Variants in SORCS2 observed in about 807,000 individuals in gnomAD.
SORCS2 encodes the protein sortilin related VPS10 domain containing receptor 2, also known as VPS10 domain-containing receptor SorCS2.
A neutral mutation model predicts 141.6 loss-of-function variants in SORCS2; 100 were observed. The ratio of observed to expected loss-of-function variants is 0.71; its 90% CI spans 0.60 to 0.83. The LOEUF (loss-of-function observed/expected upper bound fraction) is 0.83. Among genes scored for constraint, SORCS2 ranks in the 40% least tolerant of loss-of-function variants. The pLI is 0.00. For synonymous variants in SORCS2, 789 were observed against 676.9 expected (o/e 1.17, Z -2.57); for missense variants, 1,646 against 1,560.2 (o/e 1.05, Z -0.93).
intron 18 of SORCS2, among the ~76,000 whole-genome samples, chr4:7,720,364 G>C (rs1319470983): frequency 1.3e-5 from 2 of 152,074 alleles, no homozygotes; most frequent in Non-Finnish European, 2.9e-5. Flanking sequence ...ATAGAAAAAT[G>C]AGCTCAAAAT....
chr4:7,244,285 C>G (rs1041301969), intron 1 of SORCS2, among the ~76,000 whole-genome samples: 4 of 152,206 alleles, frequency 2.6e-5, no homozygotes, highest in African/African-American at 9.6e-5. Flanking sequence ...TGAGTTTCTC[C>G]AGCTCATGCA....
At chr4:7,692,854 A>T (rs935323571) in intron 11 of SORCS2, among the ~76,000 whole-genome samples, 2 of 152,102 alleles carry the variant, frequency 1.3e-5, no homozygotes, top group African/African-American at 4.8e-5. Context: ...TGGGGTCTCG[A>T]GCTCGAGGAG....
chr4:7,534,006 C>T (rs942417613), intron 3 of SORCS2, among the ~76,000 whole-genome samples: 10 of 152,286 alleles, frequency 6.6e-5, no homozygotes, highest in African/African-American at 2.4e-4. Flanking sequence ...TGAAAGCAGA[C>T]AAGCCCTGAG....
intron 1 of SORCS2, among the ~76,000 whole-genome samples, chr4:7,238,994 C>T (rs1712493071): frequency 6.6e-6 from 1 of 152,260 alleles, no homozygotes; most frequent in Non-Finnish European, 1.5e-5. Context: ...ACTGGGAGCA[C>T]TAGGCATGGC....
intron 1 of SORCS2, among the ~76,000 whole-genome samples, chr4:7,288,684 GTCCCTAC>G (rs2108872976): frequency 6.6e-6 from 1 of 151,218 alleles, no homozygotes; most frequent in East Asian, 1.9e-4. Flanking sequence ...ATTGGATTAG[GTCCCTAC>G]TCCTGTGACC....
chr4:7,699,651 C>A (rs902623298), intron 12 of SORCS2, among the ~76,000 whole-genome samples: 1 of 152,196 alleles, frequency 6.6e-6, no homozygotes, highest in Non-Finnish European at 1.5e-5. Context: ...GCTGCAGCCA[C>A]GCCCTCAAAG....
chr4:7,338,961 C>G (rs940303595), intron 1 of SORCS2, among the ~76,000 whole-genome samples: 5 of 152,148 alleles, frequency 3.3e-5, no homozygotes, highest in African/African-American at 1.2e-4. Context: ...ACAGTAAACC[C>G]CAGGATACCC....
At chr4:7,602,264 C>G (rs1455074298) in intron 3 of SORCS2, among the ~76,000 whole-genome samples, 1 of 151,754 alleles carries the variant, frequency 6.6e-6, no homozygotes, top group Non-Finnish European at 1.5e-5. Context: ...GCGCCCCCCA[C>G]CTCCCTCCCG....
intron 3 of SORCS2, among the ~76,000 whole-genome samples, chr4:7,629,498 C>G (rs1221033342): frequency 5.3e-5 from 8 of 151,988 alleles, no homozygotes; most frequent in South Asian, 2.1e-4. Flanking sequence ...GAAGGCCAAG[C>G]TCTCTCCTCC....
At position 7,433,356 on chromosome 4, in the gene SORCS2, A is replaced by G. The variant is rs1012934672; in HGVS notation, c.548+37001A>G. 10 of 1,439,134 alleles carry G rather than the reference A, an allele frequency of 6.9e-6. No individual in the cohort carries two copies. The African/African-American group carries it at 8.6e-5, about 12-fold the overall frequency. The allele number at this position is 1,439,134 out of a possible 1,614,324, so 89.1% of individuals were successfully genotyped here. On this transcript the variant is annotated intron_variant, in intron 2 of 26. Coordinates refer to ENST00000507866, the MANE Select transcript of SORCS2 (RefSeq NM_020777.3). ...CGTGGAGGTGCATCTCTTTCCATAC[A>G]TGCTTCTGGCAGTGTTGCACAGCGT...
intron 2 of SORCS2, among the ~76,000 whole-genome samples, chr4:7,462,547 C>T (rs1729374509): frequency 6.6e-6 from 1 of 152,030 alleles, no homozygotes; most frequent in South Asian, 2.1e-4. Flanking sequence ...GGATTCCTCC[C>T]CTCCTGGTGC....
At chr4:7,309,558 C>G (rs1718051160) in intron 1 of SORCS2, among the ~76,000 whole-genome samples, 1 of 152,176 alleles carries the variant, frequency 6.6e-6, no homozygotes. Context: ...GAGAACCTGC[C>G]CTCCACACAG....
At chr4:7,614,124 C>T (rs966183753) in intron 3 of SORCS2, among the ~76,000 whole-genome samples, 1 of 151,334 alleles carries the variant, frequency 6.6e-6, no homozygotes, top group Non-Finnish European at 1.5e-5. Context: ...CTCTTACCCA[C>T]TGTCCATCCA....
chr4:7,729,706 T>A lies in SORCS2; in HGVS notation c.3102T>A (p.Ser1034Arg), dbSNP rs373620592. ...CCACAAGGAAGAGGAGCCTCTCGAGTGATAAGGTATGTCCTGTGGCCGCTG... is the reference window on the plus strand; with the variant it reads ...CCACAAGGAAGAGGAGCCTCTCGAGAGATAAGGTATGTCCTGTGGCCGCTG... ...PRPTRKRSLS[S>R]DKRLAAIQQV... Residue 1034 changes from serine (S) to arginine (R), a missense_variant, in exon 23 of 27, where the codon AGT becomes AGA. Coordinates refer to ENST00000507866, the MANE Select transcript of SORCS2 (RefSeq NM_020777.3). 2 of 1,610,696 alleles carry A rather than the reference T, an allele frequency of 1.2e-6. No homozygotes were observed. Among genetic ancestry groups the A allele is most frequent in the African/African-American group, 2.7e-5 (2 of 74,784 alleles).
chr4:7,614,687 TCCATCCACCTATCCAC>T (rs1445309028), intron 3 of SORCS2, among the ~76,000 whole-genome samples: 1 of 148,912 alleles, frequency 6.7e-6, no homozygotes, highest in Admixed American at 6.7e-5. Context: ...AATCCATCTA[TCCATCCACCTATCCAC>T]CCATCCACCA....
At chr4:7,417,713 G>A (rs1438919447) in intron 2 of SORCS2, among the ~76,000 whole-genome samples, 2 of 152,202 alleles carry the variant, frequency 1.3e-5, no homozygotes, top group African/African-American at 4.8e-5. Flanking sequence ...GCTTGCCCAG[G>A]CGTGCACTCC....
intron 8 of SORCS2, among the ~76,000 whole-genome samples, chr4:7,668,097 G>T (rs1312507403): frequency 6.6e-6 from 1 of 152,252 alleles, no homozygotes; most frequent in Non-Finnish European, 1.5e-5. Context: ...ACCAGAATGT[G>T]TGCTAGGAGG....
intron 1 of SORCS2, among the ~76,000 whole-genome samples, chr4:7,298,094 G>A (rs1342512809): frequency 1.3e-5 from 2 of 152,242 alleles, no homozygotes; most frequent in African/African-American, 4.8e-5. Context: ...TGCACTTGGA[G>A]TCCCAGGGGT....
intron 14 of SORCS2, among the ~76,000 whole-genome samples, chr4:7,708,469 T>C (rs1262948104): frequency 6.6e-6 from 1 of 152,058 alleles, no homozygotes; most frequent in African/African-American, 2.4e-5. Flanking sequence ...TGGGTCCCGC[T>C]GGCCGGCCGA....
Sources: allele counts gnomAD v4.1 joint callset (sites outside exome capture counted in the v4.1 genomes callset), GRCh38; gene constraint gnomAD v4.1.1; transcripts MANE v1.5; gene names NCBI Gene and HGNC (gene_info 2026-07-23, HGNC 2026-07-21).